Variants in C4BPA observed in about 807,000 individuals in gnomAD.
C4BPA encodes the protein complement component 4 binding protein alpha, also known as C4b-binding protein alpha chain.
Under a neutral mutation model 63.7 loss-of-function variants are expected in C4BPA, and 31 were observed. The ratio of observed to expected loss-of-function variants is 0.49; its 90% CI spans 0.37 to 0.66. C4BPA has a LOEUF of 0.66. Among genes scored for constraint, C4BPA ranks in the 30% least tolerant of loss-of-function variants. The pLI is 0.00. For missense variants in C4BPA, 572 were observed against 723.3 expected, an observed-to-expected ratio of 0.79 and a Z score of 2.40; for synonymous variants, 259 against 254.7, an observed-to-expected ratio of 1.02 and a Z score of -0.16.
intron 1 of C4BPA, among the ~76,000 whole-genome samples, chr1:207,109,221 G>A (rs1314826899): frequency 6.6e-6 from 1 of 152,220 alleles, no homozygotes; most frequent in Non-Finnish European, 1.5e-5. Flanking sequence ...CGGAAGTTCA[G>A]TGGATGCTCC....
At chr1:207,144,360 C>A (rs1015538577) in intron 11 of C4BPA, among the ~76,000 whole-genome samples, 184 bp from the exon 12 acceptor site, 1 of 152,172 alleles carries the variant, frequency 6.6e-6, no homozygotes, top group Non-Finnish European at 1.5e-5. Context: ...TGTCTCAGAA[C>A]AGATCCATGT....
Position 207,134,448 on chromosome 1 carries a change from C to T in C4BPA, c.1129C>T (p.Gln377Ter). The change falls in exon 9 of 12, where the codon CAA becomes TAA. Residue 377 changes from glutamine (Q) to a stop codon, truncating the protein, a stop_gained. Coordinates refer to ENST00000367070, the MANE Select transcript of C4BPA (RefSeq NM_000715.4). LOFTEE classifies it high-confidence loss of function. ...EPKLNNGEIT[Q>*]HRKSRPANHC... ...AAAGCTAAATAATGGTGAAATCACT[C>T]AACACAGGAAAAGTCGTCCTGCCAA... 6.8e-6 allele frequency: 11 copies of T among 1,613,844 alleles called. No homozygotes were observed. The highest frequency in any genetic ancestry group is 9.3e-6 in the Non-Finnish European group (11 of 1,179,828).
chr1:207,113,235 G>A lies in C4BPA; in HGVS notation c.142+68G>A, dbSNP rs74365350. The A allele has an allele frequency of 4.2e-3, 6,344 of 1,525,250 alleles. 239 individuals are homozygous for A. In the African/African-American group the frequency reaches 0.079, roughly 19 times the overall value. 94.5% of individuals were successfully genotyped at this position (1,525,250 alleles called of 1,614,324 possible). A position where few individuals can be genotyped will look rare whatever the true frequency, so the allele number is the denominator to read the frequency against. On this transcript the variant is annotated intron_variant, in intron 2 of 11. Transcript: ENST00000367070. ...AGATCATCTGTGCATTCACTTTTAA[G>A]GCTAAAAAAAATGATGACTGAGCTT...
At chr1:207,109,428 C>T (rs74150605) in intron 1 of C4BPA, among the ~76,000 whole-genome samples, 4,009 of 152,282 alleles carry the variant, frequency 0.026, 158 homozygotes, top group African/African-American at 0.091. Context: ...TGCCAAGCCC[C>T]TCTCAGAAAT....
At chr1:207,136,851 A>C (rs1685290060) in intron 9 of C4BPA, among the ~76,000 whole-genome samples, 1 of 152,208 alleles carries the variant, frequency 6.6e-6, no homozygotes, top group Non-Finnish European at 1.5e-5. Context: ...CTACTAGAGC[A>C]AGAAAATCAC....
chr1:207,120,236 T>C (rs1248068522), intron 4 of C4BPA, among the ~76,000 whole-genome samples: 1 of 152,178 alleles, frequency 6.6e-6, no homozygotes, highest in Non-Finnish European at 1.5e-5. Flanking sequence ...TTTAGGGTTT[T>C]CAGGTAAAAT....
intron 6 of C4BPA, 38 bp from the exon 7 acceptor site, chr1:207,126,675 C>G (rs779988556): frequency 8.9e-5 from 136 of 1,522,660 alleles, no homozygotes; most frequent in Non-Finnish European, 1.2e-4. Context: ...TACCATCTAT[C>G]TTTTAAAATC....
At chr1:207,112,101 T>TA (rs879630368) in intron 1 of C4BPA, among the ~76,000 whole-genome samples, 1 of 147,560 alleles carries the variant, frequency 6.8e-6, no homozygotes, top group African/African-American at 2.5e-5. Context: ...TGATGAAGAT[T>TA]AAAAAAAAAA....
chr1:207,126,652 G>A (rs1402894074), intron 6 of C4BPA, 61 bp from the exon 7 acceptor site: 2 of 1,271,630 alleles, frequency 1.6e-6, no homozygotes, highest in African/African-American at 1.5e-5. Context: ...AGCAGTGGCA[G>A]TAATATCCTT....
At chr1:207,107,964 G>A (rs1684592515) in intron 1 of C4BPA, among the ~76,000 whole-genome samples, 1 of 152,136 alleles carries the variant, frequency 6.6e-6, no homozygotes, top group African/African-American at 2.4e-5. Flanking sequence ...CTGGGAGGCT[G>A]GGTGGAGATT....
intron 4 of C4BPA, 104 bp downstream of exon 4, chr1:207,115,619 T>C: frequency 1.7e-6 from 1 of 596,342 alleles, no homozygotes; most frequent in South Asian, 2.5e-5. Flanking sequence ...AGATAGACGT[T>C]GAGAATTCTC....
chr1:207,117,871 T>C (rs1684836547), intron 4 of C4BPA, among the ~76,000 whole-genome samples: 1 of 152,174 alleles, frequency 6.6e-6, no homozygotes, highest in Admixed American at 6.5e-5. Context: ...TTTCAAGTGC[T>C]TTTAACTCAA....
At chr1:207,125,057 T>G (rs1207512933) in intron 6 of C4BPA, among the ~76,000 whole-genome samples, 3 of 148,938 alleles carry the variant, frequency 2.0e-5, no homozygotes, top group African/African-American at 7.7e-5. Context: ...TGTTAGTTAG[T>G]GTGCTAGTCT....
chr1:207,114,361 A>G, intron 3 of C4BPA, 76 bp downstream of exon 3: 1 of 1,131,010 alleles, frequency 8.8e-7, no homozygotes, highest in Non-Finnish European at 1.3e-6. Context: ...AATTTTCTGA[A>G]TCTTTAGTCA....
At chr1:207,137,574 A>G (rs1685309615) in intron 9 of C4BPA, among the ~76,000 whole-genome samples, 1 of 151,054 alleles carries the variant, frequency 6.6e-6, no homozygotes, top group African/African-American at 2.5e-5. Flanking sequence ...GTTTATGATA[A>G]GGGGTTGTGG....
At chr1:207,121,743 A>G (rs1400544650) in intron 4 of C4BPA, among the ~76,000 whole-genome samples, 3 of 152,108 alleles carry the variant, frequency 2.0e-5, no homozygotes, top group Admixed American at 6.6e-5. Flanking sequence ...ATACATTTAA[A>G]TTTATATAAT....
chr1:207,127,868 A>G (rs549305535), intron 7 of C4BPA, among the ~76,000 whole-genome samples: 7 of 152,268 alleles, frequency 4.6e-5, no homozygotes, highest in African/African-American at 1.7e-4. Context: ...ACAAGTGGCA[A>G]TTCCCATCTT....
In C4BPA at chr1:207,124,138, C is replaced by T. The variant is rs369505952; in HGVS notation, c.515-37C>T. On this transcript the variant is annotated intron_variant, in intron 5 of 11. Transcript: ENST00000367070. Reference sequence around the variant, plus strand: ...AATTTTAGATTTATCATGATGCCTTCGCTGAGTATTTCTTTCTCTTCACTC... The same window carrying T: ...AATTTTAGATTTATCATGATGCCTTTGCTGAGTATTTCTTTCTCTTCACTC... The T allele has an allele frequency of 6.5e-5, 103 of 1,584,078 alleles. No individual in the cohort carries two copies. The African/African-American group carries it at 8.7e-4, about 13-fold the overall frequency.
At chr1:207,117,916 C>T (rs1290437095) in intron 4 of C4BPA, among the ~76,000 whole-genome samples, 1 of 152,146 alleles carries the variant, frequency 6.6e-6, no homozygotes, top group Non-Finnish European at 1.5e-5. Flanking sequence ...TCTATTTTGG[C>T]ATATTCTGCT....
Sources: gnomAD v4.1 joint callset for allele counts (sites outside exome capture counted in the v4.1 genomes callset) on GRCh38, gnomAD v4.1.1 for gene constraint, MANE v1.5 for transcripts, NCBI Gene and HGNC (gene_info 2026-07-23, HGNC 2026-07-21) for gene names.